Variants in KCNIP4 observed in about 807,000 individuals in gnomAD.
KCNIP4 encodes Kv channel-interacting protein 4.
A neutral mutation model predicts 34.0 loss-of-function variants in KCNIP4; 12 were observed. The ratio of observed to expected loss-of-function variants is 0.35; its 90% confidence interval spans 0.23 to 0.57. KCNIP4 has a LOEUF of 0.57. Among genes scored for constraint, KCNIP4 ranks in the 20% least tolerant of loss-of-function variants. The pLI, the probability that KCNIP4 is intolerant of heterozygous loss-of-function variation, is 0.83. For missense variants in KCNIP4, 238 were observed against 311.7 expected (o/e 0.76, Z 1.78); for synonymous variants, 124 against 102.2 (o/e 1.21, Z -1.29).
chr4:20,750,411 A>C (rs978220774), intron 4 of KCNIP4, among the ~76,000 whole-genome samples: 1 of 152,086 alleles, frequency 6.6e-6, no homozygotes, highest in Non-Finnish European at 1.5e-5. Context: ...GTGGTCCTAC[A>C]TGTTCCTAGT....
At chr4:20,837,561 G>A (rs1201657866) in intron 3 of KCNIP4, among the ~76,000 whole-genome samples, 1 of 151,074 alleles carries the variant, frequency 6.6e-6, no homozygotes, top group Non-Finnish European at 1.5e-5. Context: ...AGCCAAAATT[G>A]CACAGCAGCC....
intron 1 of KCNIP4, among the ~76,000 whole-genome samples, chr4:20,898,971 TCTC>T (rs1474217528): frequency 2.0e-5 from 3 of 152,138 alleles, no homozygotes; most frequent in African/African-American, 4.8e-5. Flanking sequence ...TTAGGTAACT[TCTC>T]CTATACCGCT....
intron 1 of KCNIP4, among the ~76,000 whole-genome samples, chr4:21,337,531 A>G (rs1716300047): frequency 6.6e-6 from 1 of 152,116 alleles, no homozygotes; most frequent in African/African-American, 2.4e-5. Flanking sequence ...GGTTTAAAAG[A>G]TTCATTATTT....
intron 1 of KCNIP4, among the ~76,000 whole-genome samples, chr4:20,906,939 T>C (rs528290923): frequency 2.0e-3 from 311 of 152,324 alleles, no homozygotes; most frequent in African/African-American, 6.9e-3. Context: ...GTTTGGGGCA[T>C]TGAGTTAAGT....
At chr4:20,983,755 T>G (rs551241769) in intron 1 of KCNIP4, 5 of 1,362,128 alleles carry the variant, frequency 3.7e-6, no homozygotes, top group Non-Finnish European at 4.0e-6. Flanking sequence ...TTCTGCAGCA[T>G]CTGTATCTAC....
At chr4:21,106,844 T>C (rs1322244111) in intron 1 of KCNIP4, among the ~76,000 whole-genome samples, 1 of 151,706 alleles carries the variant, frequency 6.6e-6, no homozygotes, top group Non-Finnish European at 1.5e-5. Context: ...TCTGCCTTCA[T>C]TTCGTTATGT....
intron 3 of KCNIP4, among the ~76,000 whole-genome samples, chr4:20,789,659 G>T (rs559804613): frequency 6.6e-6 from 1 of 151,948 alleles, no homozygotes; most frequent in South Asian, 2.1e-4. Flanking sequence ...CTCTTTTGCT[G>T]CTCTCAGGAC....
At chr4:21,461,964 A>T (rs1729498174) in intron 1 of KCNIP4, among the ~76,000 whole-genome samples, 1 of 152,048 alleles carries the variant, frequency 6.6e-6, no homozygotes, top group South Asian at 2.1e-4. Flanking sequence ...CAATGTTTCA[A>T]TATATGTATA....
Position 21,707,885 on chromosome 4 carries a change from C to A in KCNIP4, c.61+240686G>T, listed in dbSNP as rs575043210. ...AAAAAGGATGAGACGTGTCCTCAAG[C>A]CCAATATTCCATAAAATTAGGCTGA... On this transcript the variant is annotated intron_variant, in intron 1 of 8. Transcript: ENST00000382152. Among the ~76,000 whole-genome samples the A allele has an allele frequency of 7.9e-5, 12 of 151,258 alleles. No individual in the cohort carries two copies. The East Asian group carries it at 1.2e-3, about 15-fold the overall frequency.
At chr4:20,989,571 C>A (rs979719319) in intron 1 of KCNIP4, among the ~76,000 whole-genome samples, 1 of 152,134 alleles carries the variant, frequency 6.6e-6, no homozygotes, top group South Asian at 2.1e-4. Flanking sequence ...GGATGGTTGG[C>A]ATTATCCGGA....
intron 1 of KCNIP4, among the ~76,000 whole-genome samples, chr4:21,078,080 A>G (rs1425134188): frequency 2.6e-5 from 4 of 152,082 alleles, no homozygotes; most frequent in Non-Finnish European, 5.9e-5. Flanking sequence ...GGTTGAGCAG[A>G]GGGTGATGAT....
In KCNIP4 at chr4:21,829,607, T is replaced by C. The variant is rs560002818; in HGVS notation, c.61+118964A>G. 1.3e-3 allele frequency among the ~76,000 whole-genome samples: 195 copies of C among 152,164 alleles called. 2 individuals carry two copies. Among genetic ancestry groups the C allele is most frequent in the Middle Eastern group, 3.4e-3 (1 of 294 alleles). On this transcript the variant is annotated intron_variant, in intron 1 of 8. Coordinates refer to ENST00000382152, the MANE Select transcript of KCNIP4 (RefSeq NM_025221.6). ...AATATAGAAAAAAATTCAAATTAAG[T>C]TGTCCTCAGTTTAAAATAGCCTGTT... is the stretch of plus-strand genomic sequence containing the variant.
chr4:20,925,346 G>C (rs1044169095), intron 1 of KCNIP4, among the ~76,000 whole-genome samples: 1 of 152,076 alleles, frequency 6.6e-6, no homozygotes, highest in Non-Finnish European at 1.5e-5. Flanking sequence ...CAGGAGGTCA[G>C]CACAAGATAC....
chr4:21,711,416 G>A (rs1437018908), intron 1 of KCNIP4, among the ~76,000 whole-genome samples: 1 of 152,006 alleles, frequency 6.6e-6, no homozygotes, highest in Non-Finnish European at 1.5e-5. Flanking sequence ...AGGTTGCAGT[G>A]AACTGCAGTG....
intron 1 of KCNIP4, among the ~76,000 whole-genome samples, chr4:20,946,161 T>C (rs1371293644): frequency 6.6e-6 from 1 of 151,950 alleles, no homozygotes; most frequent in Non-Finnish European, 1.5e-5. Context: ...GGAGGACAAA[T>C]TGAAAAGCAA....
At chr4:21,749,995 A>G (rs1284544018) in intron 1 of KCNIP4, among the ~76,000 whole-genome samples, 1 of 152,168 alleles carries the variant, frequency 6.6e-6, no homozygotes, top group African/African-American at 2.4e-5. Context: ...TGGTGGTCTG[A>G]AAATATTAAA....
intron 1 of KCNIP4, among the ~76,000 whole-genome samples, chr4:21,154,723 T>TTAGAAGTGA (rs1475786649): frequency 4.6e-5 from 7 of 152,212 alleles, no homozygotes; most frequent in Non-Finnish European, 8.8e-5. Flanking sequence ...CTATGGTATG[T>TTAGAAGTGA]TAGAAGTGAT....
At chr4:21,453,450 G>T (rs1448701169) in intron 1 of KCNIP4, among the ~76,000 whole-genome samples, 1 of 152,006 alleles carries the variant, frequency 6.6e-6, no homozygotes, top group African/African-American at 2.4e-5. Context: ...CGATGTCTCT[G>T]CAGAGAACTA....
chr4:21,518,261 G>A (rs187635127), intron 1 of KCNIP4, among the ~76,000 whole-genome samples: 15 of 152,276 alleles, frequency 9.9e-5, no homozygotes, highest in South Asian at 2.1e-4. Flanking sequence ...CAGTAAGCAC[G>A]AATGCCTCAA....
Sources: gnomAD v4.1 joint callset for allele counts (sites outside exome capture counted in the v4.1 genomes callset) on GRCh38, gnomAD v4.1.1 for gene constraint, MANE v1.5 for transcripts, NCBI Gene and HGNC (gene_info 2026-07-23, HGNC 2026-07-21) for gene names.